Variants in USP54 observed in about 807,000 individuals in gnomAD.
The protein encoded by USP54 is ubiquitin specific peptidase 54.
Under a neutral mutation model 170.5 loss-of-function variants are expected in USP54, and 87 were observed. The observed-to-expected ratio is 0.51, with a 90% CI of 0.43 to 0.61. The LOEUF (loss-of-function observed/expected upper bound fraction) is 0.61. USP54 is among the 20% of genes least tolerant of loss of function. The pLI, the probability that USP54 is intolerant of heterozygous loss-of-function variation, is 0.00. For missense variants in USP54, 1,786 were observed against 2,047.8 expected, an observed-to-expected ratio of 0.87 and a Z score of 2.47; for synonymous variants, 655 against 742.8, an observed-to-expected ratio of 0.88 and a Z score of 1.92.
intron 1 of USP54, among the ~76,000 whole-genome samples, chr10:73,598,490 C>T (rs553887628): frequency 2.2e-4 from 33 of 152,274 alleles, no homozygotes; most frequent in African/African-American, 7.0e-4. Context: ...AAAATTAAAA[C>T]TTTTGACCGG....
chr10:73,556,649 A>C (rs1402118773), intron 4 of USP54, among the ~76,000 whole-genome samples: 1 of 152,054 alleles, frequency 6.6e-6, no homozygotes, highest in African/African-American at 2.4e-5. Flanking sequence ...CGGGCTGAGT[A>C]ATTTCTTATA....
chr10:73,624,957 A>G (rs1362332315), intron 1 of USP54, among the ~76,000 whole-genome samples: 1 of 152,236 alleles, frequency 6.6e-6, no homozygotes, highest in African/African-American at 2.4e-5. Flanking sequence ...TTTAGTGTTC[A>G]GCCTGCTGCT....
chr10:73,544,967 C>T (rs952062737), intron 5 of USP54, among the ~76,000 whole-genome samples: 1 of 152,154 alleles, frequency 6.6e-6, no homozygotes, highest in Non-Finnish European at 1.5e-5. Context: ...CTGCCTTGGC[C>T]TCCCAAAGTG....
intron 9 of USP54, among the ~76,000 whole-genome samples, chr10:73,540,879 G>A (rs1177692634): frequency 6.6e-6 from 1 of 152,070 alleles, no homozygotes; most frequent in Non-Finnish European, 1.5e-5. Flanking sequence ...CAATAACAAA[G>A]GTTTTCTTTA....
intron 22 of USP54, among the ~76,000 whole-genome samples, chr10:73,502,605 G>A (rs972241316): frequency 2.0e-5 from 3 of 152,156 alleles, no homozygotes; most frequent in Admixed American, 6.5e-5. Flanking sequence ...GAGCCACCGC[G>A]CCCGGCTATT....
At chr10:73,579,756 CAAA>C (rs972375093) in intron 1 of USP54, among the ~76,000 whole-genome samples, 2 of 149,718 alleles carry the variant, frequency 1.3e-5, no homozygotes, top group African/African-American at 5.0e-5. Flanking sequence ...GACTCCATCT[CAAA>C]AAAACAACAA....
chr10:73,587,745 T>C lies in USP54; in HGVS notation c.-582+3533A>G, dbSNP rs191552510. Among the ~76,000 whole-genome samples, 26 of 152,304 alleles carry C rather than the reference T, an allele frequency of 1.7e-4. No homozygotes were observed. In the East Asian group the frequency reaches 5.0e-3, roughly 29 times the overall value. On this transcript the variant is annotated intron_variant, in intron 1 of 23. Transcript: ENST00000687698. ...TAACATCTATCTCATAGGATTGTTA[T>C]AAGAATTAAATAAAATAATGTAGAT...
chr10:73,539,150 G>A (rs2065965887), intron 10 of USP54, among the ~76,000 whole-genome samples: 1 of 151,450 alleles, frequency 6.6e-6, no homozygotes, highest in African/African-American at 2.4e-5. Flanking sequence ...GTGGTAGCAT[G>A]CGCATGTACT....
In USP54 at chr10:73,542,822, T is replaced by C. The variant is rs375082753; in HGVS notation, c.553A>G (p.Ile185Val). The C allele has an allele frequency of 3.5e-5, 56 of 1,613,216 alleles. No individual in the cohort carries two copies. In the African/African-American group the frequency reaches 6.2e-4, roughly 18 times the overall value. ...PLPFIQMVHY[I>V]STTSLCNQAI... ...ACTCACCAAAGGGAAGTGGTGGAGA[T>C]ATAATGTACCATCTGGATGAAAGGC... Residue 185 changes from isoleucine to valine, a missense_variant, in exon 7 of 24, where the codon ATC becomes GTC. Ile to Val is a conservative substitution (Grantham distance 29). Coordinates refer to ENST00000687698, the MANE Select transcript of USP54 (RefSeq NM_001391956.1).
At chr10:73,595,558 G>T (rs1185116970), upstream of USP54, among the ~76,000 whole-genome samples, 2 of 152,164 alleles carry the variant, frequency 1.3e-5, no homozygotes, top group African/African-American at 2.4e-5. Flanking sequence ...GGACTCTAAA[G>T]AAGAGAGGGA....
At chr10:73,578,771 G>T (rs564971252) in intron 1 of USP54, among the ~76,000 whole-genome samples, 53 of 152,232 alleles carry the variant, frequency 3.5e-4, no homozygotes, top group African/African-American at 1.1e-3. Flanking sequence ...TTCAACAAAT[G>T]ATGTTGGAAC....
At chr10:73,505,133 T>A (rs1358422082) in intron 21 of USP54, 143 bp from the exon 22 acceptor site, 50 of 1,318,552 alleles carry the variant, frequency 3.8e-5, no homozygotes, top group Non-Finnish European at 5.3e-5. Flanking sequence ...GGTAAGATAG[T>A]GGCCATGTAA....
chr10:73,580,318 CAAAAAAAAA>C (rs550717480), intron 1 of USP54, among the ~76,000 whole-genome samples: 3 of 64,402 alleles, frequency 4.7e-5, no homozygotes, highest in African/African-American at 1.6e-4. Flanking sequence ...GACCCCATTT[CAAAAAAAAA>C]AAAAAAAAGA....
intron 1 of USP54, among the ~76,000 whole-genome samples, chr10:73,602,747 T>C (rs1298680442): frequency 6.7e-6 from 1 of 149,986 alleles, no homozygotes. Context: ...TCCCAGCTAC[T>C]TGGGAGACTG....
chr10:73,510,259 C>T (rs1476094613), intron 20 of USP54, among the ~76,000 whole-genome samples: 3 of 151,890 alleles, frequency 2.0e-5, no homozygotes, highest in Admixed American at 1.3e-4. Context: ...CACTTGAACC[C>T]GGGAGGCGGA....
intron 4 of USP54, among the ~76,000 whole-genome samples, 186 bp from the exon 5 acceptor site, chr10:73,545,858 G>C (rs2067672431): frequency 6.6e-6 from 1 of 152,190 alleles, no homozygotes; most frequent in African/African-American, 2.4e-5. Flanking sequence ...GGCATGATCT[G>C]TGCTAATAAA....
intron 20 of USP54, chr10:73,506,291 A>G (rs544689946): frequency 6.6e-6 from 1 of 152,208 alleles, no homozygotes; most frequent in African/African-American, 2.4e-5. Flanking sequence ...TTACATATGT[A>G]ATGCTCTTTT....
chr10:73,584,030 T>C (rs1238807657), intron 1 of USP54, among the ~76,000 whole-genome samples: 1 of 152,168 alleles, frequency 6.6e-6, no homozygotes, highest in Non-Finnish European at 1.5e-5. Flanking sequence ...CAAAAGGGAT[T>C]GAGGCATTTG....
intron 19 of USP54, chr10:73,518,252 G>A: frequency 1.0e-6 from 1 of 985,226 alleles, no homozygotes; most frequent in Non-Finnish European, 1.2e-6. Context: ...AATACAGGGT[G>A]ATTTGGGCTC....
Sources: gnomAD v4.1 joint callset for allele counts (sites outside exome capture counted in the v4.1 genomes callset) on GRCh38, gnomAD v4.1.1 for gene constraint, MANE v1.5 for transcripts, NCBI Gene and HGNC (gene_info 2026-07-23, HGNC 2026-07-21) for gene names.